The following HDLBP variants were observed in gnomAD, a reference collection of about 807,000 sequenced individuals.
HDLBP encodes vigilin.
A neutral mutation model predicts 137.3 loss-of-function variants in HDLBP; 30 were observed. The ratio of observed to expected loss-of-function variants is 0.22; its 90% CI spans 0.16 to 0.30. HDLBP has a LOEUF of 0.30. Ranked by LOEUF, HDLBP falls within the 10% of genes least tolerant of loss-of-function variation. The pLI is 1.00. For missense variants in HDLBP, 1,119 were observed against 1,667.3 expected (o/e 0.67, Z 5.73); for synonymous variants, 606 against 596.0 (o/e 1.02, Z -0.24).
chr2:241,300,634 A>G (rs559925021), intron 1 of HDLBP, among the ~76,000 whole-genome samples: 1 of 152,334 alleles, frequency 6.6e-6, no homozygotes, highest in African/African-American at 2.4e-5. Context: ...TGATAACAAC[A>G]ATCTAAATAC....
At chr2:241,251,470 A>G (rs1035736395) in intron 11 of HDLBP, among the ~76,000 whole-genome samples, 1 of 152,186 alleles carries the variant, frequency 6.6e-6, no homozygotes, top group African/African-American at 2.4e-5. Flanking sequence ...GTTTACTCAT[A>G]ACAAAAACGG....
At chr2:241,286,805 G>C (rs1354350147) in intron 1 of HDLBP, among the ~76,000 whole-genome samples, 1 of 152,052 alleles carries the variant, frequency 6.6e-6, no homozygotes, top group African/African-American at 2.4e-5. Flanking sequence ...AATTAGCCAG[G>C]CATGGTAGTA....
At position 241,312,111 on chromosome 2, in the gene HDLBP, T is replaced by C. The variant is rs188154531; in HGVS notation, c.-103+3459A>G. Reference sequence around the variant, plus strand: ...TCTTACAAGCCTTTCTAGGATTATCTGACTCTACAAATGACATGAAGCTGT... The same window carrying C: ...TCTTACAAGCCTTTCTAGGATTATCCGACTCTACAAATGACATGAAGCTGT... On this transcript the variant is annotated intron_variant, in intron 1 of 27. Coordinates refer to ENST00000310931, the MANE Select transcript of HDLBP (RefSeq NM_005336.6). 3.5e-4 allele frequency among the ~76,000 whole-genome samples: 53 copies of C among 152,358 alleles called. No individual in the cohort carries two copies. The East Asian group carries it at 5.4e-3, about 16-fold the overall frequency.
intron 5 of HDLBP, among the ~76,000 whole-genome samples, chr2:241,260,378 C>T (rs1315559684): frequency 3.3e-5 from 5 of 152,074 alleles, no homozygotes; most frequent in Non-Finnish European, 7.4e-5. Context: ...GACCCACTGG[C>T]CAAAGATGAA....
chr2:241,239,818 A>G lies in HDLBP; in HGVS notation c.2394T>C (p.Asp798=), dbSNP rs771039223. The G allele has an allele frequency of 6.2e-7, 1 of 1,613,556 alleles. No individual in the cohort carries two copies. Among genetic ancestry groups the G allele is most frequent in the South Asian group, 1.1e-5 (1 of 91,070 alleles). ...KELEALIQNL[D]NVVEDSMLVD... ...CCAGCATGGAGTCTTCCACCACATTATCCTGCAGTGTTAAGAAGAGATGGA... is the reference window on the plus strand; with the variant it reads ...CCAGCATGGAGTCTTCCACCACATTGTCCTGCAGTGTTAAGAAGAGATGGA... Residue 798 remains aspartate (D), a splice_region_variant and synonymous_variant, in exon 19 of 28, where the codon GAT becomes GAC. Coordinates refer to ENST00000310931, the MANE Select transcript of HDLBP (RefSeq NM_005336.6). This position sits in a 1 kb window ranked among gnomAD's most constrained non-coding sequence, Gnocchi z 4.6.
rs79527338 is a variant in HDLBP at position 241,243,294 on chromosome 2, C to T, written c.1951-616G>A. ...AGAACCTCTGAGATCCGGAGACCAGCCACTCATATACTGATACGCGTGAAG... is the reference window on the plus strand; with the variant it reads ...AGAACCTCTGAGATCCGGAGACCAGTCACTCATATACTGATACGCGTGAAG... On this transcript the variant is annotated intron_variant, in intron 16 of 27. Transcript: ENST00000310931. Among the ~76,000 whole-genome samples the T allele has an allele frequency of 7.4e-3, 1,134 of 152,290 alleles. 14 individuals are homozygous for T. The highest frequency in any genetic ancestry group is 0.024 in the African/African-American group (1,007 of 41,544).
intron 1 of HDLBP, among the ~76,000 whole-genome samples, chr2:241,314,824 G>A (rs1379085087): frequency 6.6e-6 from 1 of 152,226 alleles, no homozygotes; most frequent in East Asian, 1.9e-4. Context: ...ATGCGGGTCA[G>A]CCATTAGGAA....
intron 10 of HDLBP, 140 bp downstream of exon 10, chr2:241,253,253 A>G (rs2072342292): frequency 2.7e-6 from 2 of 733,576 alleles, no homozygotes; most frequent in African/African-American, 1.7e-5. Flanking sequence ...TGGTTGTTTC[A>G]GAACCTATTA....
chr2:241,311,327 G>A (rs2075752524), intron 1 of HDLBP, among the ~76,000 whole-genome samples: 1 of 152,146 alleles, frequency 6.6e-6, no homozygotes, highest in Non-Finnish European at 1.5e-5. Flanking sequence ...GCAGAACGAG[G>A]CACTTTCGTA....
intron 11 of HDLBP, 136 bp from the exon 12 acceptor site, chr2:241,250,116 C>T (rs1485912432): frequency 1.3e-5 from 11 of 845,006 alleles, no homozygotes; most frequent in Middle Eastern, 4.7e-4. Flanking sequence ...TGCTTAGCTT[C>T]CCAAACAAAA....
At chr2:241,256,954 C>T in intron 5 of HDLBP, 148 bp from the exon 6 acceptor site, 1 of 702,242 alleles carries the variant, frequency 1.4e-6, no homozygotes. Flanking sequence ...TGAGCTTAAA[C>T]ATCACATGCT....
chr2:241,312,007 T>G (rs2075770671), intron 1 of HDLBP, among the ~76,000 whole-genome samples: 1 of 152,130 alleles, frequency 6.6e-6, no homozygotes, highest in African/African-American at 2.4e-5. Context: ...GAGGCAAAGA[T>G]CAAGGAAATC....
intron 1 of HDLBP, among the ~76,000 whole-genome samples, chr2:241,305,088 A>G (rs973072729): frequency 3.9e-5 from 6 of 152,186 alleles, no homozygotes; most frequent in South Asian, 2.1e-4. Context: ...AGCCCTAACT[A>G]AACGACTCCT....
intron 15 of HDLBP, 26 bp from the exon 16 acceptor site, chr2:241,246,909 A>G: frequency 6.2e-7 from 1 of 1,613,702 alleles, no homozygotes; most frequent in Non-Finnish European, 8.5e-7. Flanking sequence ...TCACCATGAG[A>G]AGCTGACTAG....
At chr2:241,293,363 C>T (rs2075067131) in intron 1 of HDLBP, among the ~76,000 whole-genome samples, 1 of 151,962 alleles carries the variant, frequency 6.6e-6, no homozygotes. Context: ...TGCATGATGG[C>T]ACACACCTGT....
At chr2:241,297,804 G>C (rs1351489762) in intron 1 of HDLBP, among the ~76,000 whole-genome samples, 1 of 152,094 alleles carries the variant, frequency 6.6e-6, no homozygotes, top group Non-Finnish European at 1.5e-5. Flanking sequence ...AGTAATCCCA[G>C]CACTTTGGGA....
intron 16 of HDLBP, among the ~76,000 whole-genome samples, chr2:241,245,109 ATG>A (rs893142362): frequency 2.0e-5 from 3 of 152,316 alleles, no homozygotes; most frequent in Admixed American, 6.5e-5. Flanking sequence ...TGTTAAACAT[ATG>A]TAATAAATAT....
At chr2:241,251,892 G>A (rs539930343) in intron 11 of HDLBP, among the ~76,000 whole-genome samples, 7 of 152,160 alleles carry the variant, frequency 4.6e-5, no homozygotes, top group East Asian at 1.9e-4. Flanking sequence ...CAGGAGAATC[G>A]CTTGAACCTG....
At chr2:241,308,913 G>A (rs543599620) in intron 1 of HDLBP, among the ~76,000 whole-genome samples, 6 of 152,198 alleles carry the variant, frequency 3.9e-5, no homozygotes, top group South Asian at 4.1e-4. Context: ...TAGGAGCCCC[G>A]GCTTCTTCCC....
Sources: allele counts gnomAD v4.1 joint callset (sites outside exome capture counted in the v4.1 genomes callset), GRCh38; gene constraint gnomAD v4.1.1; non-coding constraint Gnocchi (gnomAD v3.1); transcripts MANE v1.5; gene names NCBI Gene and HGNC (gene_info 2026-07-23, HGNC 2026-07-21).